The following TTC7B variants were observed in gnomAD, a reference collection of about 807,000 sequenced individuals.
The protein encoded by TTC7B is tetratricopeptide repeat domain 7B.
Under a neutral mutation model 106.8 loss-of-function variants are expected in TTC7B, and 28 were observed. The ratio of observed to expected loss-of-function variants is 0.26; its 90% confidence interval spans 0.19 to 0.36. TTC7B has a LOEUF of 0.36. TTC7B is among the 10% of genes least tolerant of loss of function. The pLI is 1.00. For missense variants in TTC7B, 862 were observed against 1,076.4 expected (o/e 0.80, Z 2.79); for synonymous variants, 405 against 430.6 (o/e 0.94, Z 0.74).
At chr14:90,660,099 A>G (rs570949240) in intron 9 of TTC7B, among the ~76,000 whole-genome samples, 44 of 152,146 alleles carry the variant, frequency 2.9e-4, no homozygotes, top group African/African-American at 9.9e-4. Flanking sequence ...AAAAGAACAG[A>G]GGCGGCTGGG....
intron 3 of TTC7B, among the ~76,000 whole-genome samples, chr14:90,752,598 A>G (rs1455816242): frequency 6.6e-6 from 1 of 152,184 alleles, no homozygotes; most frequent in Non-Finnish European, 1.5e-5. Flanking sequence ...TTCAGTTTCA[A>G]TAATAATAAA....
At chr14:90,628,284 G>A (rs927039116) in intron 15 of TTC7B, among the ~76,000 whole-genome samples, 2 of 152,238 alleles carry the variant, frequency 1.3e-5, no homozygotes, top group African/African-American at 4.8e-5. Flanking sequence ...GAACTGTGAA[G>A]CTTTTTGGTA....
intron 1 of TTC7B, among the ~76,000 whole-genome samples, chr14:90,814,530 G>GT (rs1367100844): frequency 6.6e-6 from 1 of 152,148 alleles, no homozygotes; most frequent in East Asian, 1.9e-4. Flanking sequence ...CAAATATTGG[G>GT]TGAATGAATA....
At chr14:90,781,803 GC>G (rs1376315221) in intron 2 of TTC7B, among the ~76,000 whole-genome samples, 2 of 152,072 alleles carry the variant, frequency 1.3e-5, no homozygotes, top group Non-Finnish European at 1.5e-5. Context: ...TTCTCTGTGG[GC>G]CCCCCTTCCT....
At position 90,676,708 on chromosome 14, in the gene TTC7B, T is replaced by C. The variant is rs190850090; in HGVS notation, c.1015-48A>G. 2.5e-6 allele frequency: 4 copies of C among 1,596,680 alleles called. No individual in the cohort carries two copies. In the East Asian group the frequency reaches 9.0e-5, roughly 36 times the overall value. ...AGCAGATGGAGAGAGAACCTAGTGC[T>C]GCATGGCGGGGAGTCCACCTAGGCC... is the stretch of plus-strand genomic sequence containing the variant. On this transcript the variant is annotated intron_variant, in intron 8 of 19. Coordinates refer to ENST00000328459, the MANE Select transcript of TTC7B (RefSeq NM_001010854.2).
At chr14:90,615,939 C>T (rs1893055487) in intron 16 of TTC7B, among the ~76,000 whole-genome samples, 1 of 152,184 alleles carries the variant, frequency 6.6e-6, no homozygotes, top group South Asian at 2.1e-4. Context: ...GAGCCAGGGT[C>T]CTCCCCACTC....
rs887454870 is a variant in TTC7B at position 90,718,059 on chromosome 14, C to T, written c.698+12016G>A. On this transcript the variant is annotated intron_variant, in intron 5 of 19. Transcript: ENST00000328459. ...ATTTCAATGGTCTGCCCTTGAGGGG[C>T]GGCCTGCAGAGGCCACACTTAAACT... is the stretch of plus-strand genomic sequence containing the variant. Among the ~76,000 whole-genome samples the T allele has an allele frequency of 2.0e-5, 3 of 152,366 alleles. No homozygotes were observed. The South Asian group carries it at 6.2e-4, about 32-fold the overall frequency.
At chr14:90,715,056 C>T (rs887359343) in intron 5 of TTC7B, among the ~76,000 whole-genome samples, 2 of 152,188 alleles carry the variant, frequency 1.3e-5, no homozygotes, top group Non-Finnish European at 2.9e-5. Flanking sequence ...GCCCCTTAGA[C>T]CTTGCTGGGC....
intron 16 of TTC7B, among the ~76,000 whole-genome samples, chr14:90,614,807 C>T (rs764899290): frequency 2.6e-4 from 40 of 152,320 alleles, no homozygotes; most frequent in African/African-American, 3.8e-4. Flanking sequence ...TTTCAATAAA[C>T]GTGGTTATTA....
At chr14:90,640,585 A>G (rs1885130680) in intron 15 of TTC7B, among the ~76,000 whole-genome samples, 2 of 152,220 alleles carry the variant, frequency 1.3e-5, no homozygotes, top group Non-Finnish European at 2.9e-5. Context: ...ATGATTTTAG[A>G]TATATTTAAT....
intron 9 of TTC7B, among the ~76,000 whole-genome samples, chr14:90,660,865 T>C (rs1471543758): frequency 6.6e-6 from 1 of 152,224 alleles, no homozygotes; most frequent in African/African-American, 2.4e-5. Flanking sequence ...AACAAGCACC[T>C]AGTGCTTGGC....
Position 90,658,104 on chromosome 14 carries a change from T to A in TTC7B, c.1236+200A>T, listed in dbSNP as rs566406676. 6 of 578,552 alleles carry A rather than the reference T, an allele frequency of 1.0e-5. No homozygotes were observed. The East Asian group carries it at 1.7e-4, about 17-fold the overall frequency. The allele number at this position is 578,552 out of a possible 1,614,324, so 35.8% of individuals were successfully genotyped here. On this transcript the variant is annotated intron_variant, in intron 10 of 19. Transcript: ENST00000328459. Reference sequence around the variant, plus strand: ...CTGGAAAAAGACAAATATTTCAGAATTTTTCTTCTCAGTGATAAGTCCATC... The same window carrying A: ...CTGGAAAAAGACAAATATTTCAGAAATTTTCTTCTCAGTGATAAGTCCATC...
intron 19 of TTC7B, among the ~76,000 whole-genome samples, chr14:90,543,473 A>G (rs1286036268): frequency 6.6e-6 from 1 of 152,244 alleles, no homozygotes; most frequent in East Asian, 1.9e-4. Flanking sequence ...ACAAGCCACA[A>G]TATCAAACTT....
rs925063099 is a variant in TTC7B at position 90,535,749 on chromosome 14, G to A, written c.*5619C>T. On this transcript the variant is annotated 3_prime_UTR_variant, in exon 20 of 20. Coordinates refer to ENST00000328459, the MANE Select transcript of TTC7B (RefSeq NM_001010854.2). Reference sequence around the variant, plus strand: ...GCCGTAAGAAAACCGCCACAGACAGGTGGCTTCAACAATGAACTTAATTTC... The same window carrying A: ...GCCGTAAGAAAACCGCCACAGACAGATGGCTTCAACAATGAACTTAATTTC... 5.3e-5 allele frequency: 8 copies of A among 152,266 alleles called. No individual in the cohort carries two copies. The highest frequency in any genetic ancestry group is 7.3e-5 in the Non-Finnish European group (5 of 68,090). 9.4% of individuals were successfully genotyped at this position (152,266 alleles called of 1,614,324 possible).
chr14:90,755,613 C>A (rs745449831), intron 3 of TTC7B, among the ~76,000 whole-genome samples: 3 of 152,100 alleles, frequency 2.0e-5, no homozygotes, highest in Non-Finnish European at 2.9e-5. Context: ...GAGCCATGAT[C>A]ACGCCACTGC....
chr14:90,766,531 A>T, intron 3 of TTC7B: 16 of 754,356 alleles, frequency 2.1e-5, no homozygotes, highest in Non-Finnish European at 4.9e-6. Context: ...TACTGCCGCC[A>T]TGTCTCTAGT....
chr14:90,537,381 G>GGC lies in TTC7B; in HGVS notation c.*3986_*3987insGC, dbSNP rs941634828. 8 of 149,880 alleles carry GGC rather than the reference G, an allele frequency of 5.3e-5. No homozygotes were observed. The East Asian group carries it at 9.9e-4, about 19-fold the overall frequency. The allele number at this position is 149,880 out of a possible 1,614,324, so 9.3% of individuals were successfully genotyped here. A position where few individuals can be genotyped will look rare whatever the true frequency, so the allele number is the denominator to read the frequency against. The stretch of plus-strand genomic sequence containing the variant: ...TTTTTTTTTTGTAGAGATGGGGGGG[G>GGC]GGTCTCACCATGTTGCCCAGGCTGG... On this transcript the variant is annotated 3_prime_UTR_variant, in exon 20 of 20. Transcript: ENST00000328459.
At chr14:90,642,666 G>C (rs1245786352) in intron 15 of TTC7B, 2 of 152,188 alleles carry the variant, frequency 1.3e-5, no homozygotes, top group African/African-American at 4.8e-5. Flanking sequence ...AAAAGACAAA[G>C]TCCTTCTCAA....
intron 3 of TTC7B, among the ~76,000 whole-genome samples, chr14:90,762,472 C>T (rs1890532289): frequency 6.6e-6 from 1 of 152,230 alleles, no homozygotes; most frequent in Non-Finnish European, 1.5e-5. Context: ...AATCTATTCT[C>T]CACTCTGTGC....
Sources: gnomAD v4.1 joint callset for allele counts (sites outside exome capture counted in the v4.1 genomes callset) on GRCh38, gnomAD v4.1.1 for gene constraint, MANE v1.5 for transcripts, NCBI Gene and HGNC (gene_info 2026-07-23, HGNC 2026-07-21) for gene names.